The following SLC8A1 variants were observed in gnomAD, a reference collection of about 807,000 sequenced individuals.
SLC8A1 encodes sodium/calcium exchanger 1.
A neutral mutation model predicts 68.3 loss-of-function variants in SLC8A1; 18 were observed. The observed-to-expected ratio is 0.26, with a 90% CI of 0.18 to 0.39. SLC8A1 has a LOEUF of 0.39. Ranked by LOEUF, SLC8A1 falls within the 10% of genes least tolerant of loss-of-function variation. The pLI is 1.00. For synonymous variants in SLC8A1, 475 were observed against 415.5 expected (o/e 1.14, Z -1.74); for missense variants, 985 against 1,156.7 (o/e 0.85, Z 2.15).
At chr2:40,255,331 G>A (rs990720851) in intron 2 of SLC8A1, 1 of 152,082 alleles carries the variant, frequency 6.6e-6, no homozygotes, top group African/African-American at 2.4e-5. Flanking sequence ...CCCATGGCAG[G>A]GATACAGATC....
chr2:40,196,557 A>C (rs1004923017), intron 2 of SLC8A1, among the ~76,000 whole-genome samples: 3 of 151,946 alleles, frequency 2.0e-5, no homozygotes, highest in Non-Finnish European at 4.4e-5. Context: ...GCGTAGATGA[A>C]AGGTGAGCAT....
chr2:40,476,226 A>G (rs1704291612), intron 1 of SLC8A1, among the ~76,000 whole-genome samples: 2 of 152,132 alleles, frequency 1.3e-5, no homozygotes, highest in Non-Finnish European at 2.9e-5. Flanking sequence ...GTCTTTCTCA[A>G]AGGGGAGCCT....
intron 7 of SLC8A1, among the ~76,000 whole-genome samples, chr2:40,122,699 C>T (rs1298046256): frequency 2.0e-5 from 3 of 152,106 alleles, no homozygotes; most frequent in African/African-American, 7.2e-5. Flanking sequence ...CACTCACAGC[C>T]CTGGTTTCTT....
chr2:40,288,849 A>ATATATATATATATATGTATG (rs1553476848), intron 2 of SLC8A1, among the ~76,000 whole-genome samples: 2 of 138,762 alleles, frequency 1.4e-5, no homozygotes, highest in African/African-American at 5.9e-5. Context: ...ATATATATAT[A>ATATATATATATATATGTATG]TATGTATATA....
At position 40,310,331 on chromosome 2, in the gene SLC8A1, C is replaced by T. The variant is rs147109844; in HGVS notation, c.1808+118142G>A. Among the ~76,000 whole-genome samples, 835 of 152,238 alleles carry T rather than the reference C, an allele frequency of 5.5e-3. 5 individuals are homozygous for T. The highest frequency in any genetic ancestry group is 8.6e-3 in the Non-Finnish European group (582 of 68,022). On this transcript the variant is annotated intron_variant, in intron 2 of 7. Coordinates refer to ENST00000406785, the Ensembl canonical transcript of SLC8A1. The stretch of plus-strand genomic sequence containing the variant: ...AAGTAGTTGGGTTAACCCAGTGAGA[C>T]ATGAAAAACTGCCCAGAACACAAGC...
chr2:40,393,177 A>G (rs1685861551), intron 2 of SLC8A1, among the ~76,000 whole-genome samples: 1 of 152,070 alleles, frequency 6.6e-6, no homozygotes, highest in Admixed American at 6.6e-5. Context: ...AAAATCCAAA[A>G]CATACAAGTT....
chr2:40,345,698 C>T (rs1441906394), intron 2 of SLC8A1, among the ~76,000 whole-genome samples: 1 of 152,086 alleles, frequency 6.6e-6, no homozygotes, highest in Non-Finnish European at 1.5e-5. Context: ...TTTGCAGGGA[C>T]ATGGATGAAG....
intron 2 of SLC8A1, among the ~76,000 whole-genome samples, chr2:40,387,097 T>C (rs1291131302): frequency 1.3e-5 from 2 of 151,494 alleles, no homozygotes; most frequent in Non-Finnish European, 2.9e-5. Flanking sequence ...TGGAAACAAG[T>C]ATGTTCCAAA....
intron 1 of SLC8A1, among the ~76,000 whole-genome samples, chr2:40,457,149 T>A (rs2149889562): frequency 6.6e-6 from 1 of 152,310 alleles, no homozygotes. Context: ...CACATTACAT[T>A]AATTTTATTA....
intron 2 of SLC8A1, among the ~76,000 whole-genome samples, chr2:40,373,163 C>T (rs991035782): frequency 5.1e-5 from 4 of 78,544 alleles, no homozygotes; most frequent in Admixed American, 3.8e-4. Flanking sequence ...GCTATTCTTA[C>T]CAGGTTTTGT....
chr2:40,451,358 C>T (rs1702446108), intron 1 of SLC8A1, among the ~76,000 whole-genome samples: 1 of 152,188 alleles, frequency 6.6e-6, no homozygotes, highest in Admixed American at 6.5e-5. Flanking sequence ...TGCCCCGCCA[C>T]ACCTCCCTCC....
At chr2:40,391,479 A>C (rs1027905346) in intron 2 of SLC8A1, among the ~76,000 whole-genome samples, 5 of 151,584 alleles carry the variant, frequency 3.3e-5, no homozygotes, top group Non-Finnish European at 7.4e-5. Context: ...ATTACAGCTG[A>C]ATTTCTCTCC....
At chr2:40,290,081 AAGG>A (rs1483863148) in intron 2 of SLC8A1, among the ~76,000 whole-genome samples, 7 of 151,918 alleles carry the variant, frequency 4.6e-5, no homozygotes, top group Non-Finnish European at 1.0e-4. Context: ...CAGGGAAAGG[AAGG>A]AGGAGGAGTT....
intron 2 of SLC8A1, among the ~76,000 whole-genome samples, chr2:40,278,110 C>G (rs1474535770): frequency 6.6e-6 from 1 of 151,944 alleles, no homozygotes; most frequent in Non-Finnish European, 1.5e-5. Flanking sequence ...GGTTTTTACA[C>G]TTTTAATATA....
chr2:40,327,812 C>A (rs888332961), intron 2 of SLC8A1, among the ~76,000 whole-genome samples: 2 of 152,094 alleles, frequency 1.3e-5, no homozygotes, highest in African/African-American at 4.8e-5. Flanking sequence ...TGGTCCCTAC[C>A]TGGGTGATGG....
chr2:40,274,257 A>G (rs2066421536), intron 2 of SLC8A1, among the ~76,000 whole-genome samples: 1 of 149,992 alleles, frequency 6.7e-6, no homozygotes, highest in Admixed American at 6.7e-5. Flanking sequence ...GCATCTTATC[A>G]TATTTGTAGC....
In SLC8A1 at chr2:40,430,317, A is replaced by C. The variant is rs746720270; in HGVS notation, c.-24-13T>G. ...CTGTCACAACCTACTGGTAAAAATAAGATGGGGGAGAGGGCAGAAAAAAAG... is the reference window on the plus strand; with the variant it reads ...CTGTCACAACCTACTGGTAAAAATACGATGGGGGAGAGGGCAGAAAAAAAG... On this transcript the variant is annotated splice_polypyrimidine_tract_variant and intron_variant, in intron 1 of 7. Transcript: ENST00000406785. 3.2e-6 allele frequency: 5 copies of C among 1,561,730 alleles called. No individual in the cohort carries two copies. The highest frequency in any genetic ancestry group is 4.3e-6 in the Non-Finnish European group (5 of 1,156,822).
chr2:40,440,133 A>G (rs911272551), intron 1 of SLC8A1, among the ~76,000 whole-genome samples: 1 of 152,166 alleles, frequency 6.6e-6, no homozygotes, highest in African/African-American at 2.4e-5. Context: ...TTTCTCTACT[A>G]GCTAGGGCAT....
chr2:40,255,577 G>C (rs405884), intron 2 of SLC8A1, among the ~76,000 whole-genome samples: 21,883 of 152,152 alleles, frequency 0.14, 1,980 homozygotes, highest in African/African-American at 0.24. Context: ...GACTGGTTCT[G>C]TTACTTCACC....
Sources: allele counts gnomAD v4.1 joint callset (sites outside exome capture counted in the v4.1 genomes callset), GRCh38; gene constraint gnomAD v4.1.1; transcripts MANE v1.5; gene names NCBI Gene and HGNC (gene_info 2026-07-23, HGNC 2026-07-21).